CNST: variants seen among roughly 807,000 people sequenced by gnomAD.
CNST encodes consortin.
Under a neutral mutation model 72.4 loss-of-function variants are expected in CNST, and 39 were observed. The observed-to-expected ratio is 0.54, with a 90% CI of 0.42 to 0.70. CNST has a LOEUF of 0.70. CNST is among the 30% of genes least tolerant of loss of function. The pLI is 0.00. For missense variants in CNST, 871 were observed against 868.5 expected, an observed-to-expected ratio of 1.00 and a Z score of -0.04; for synonymous variants, 332 against 320.1, an observed-to-expected ratio of 1.04 and a Z score of -0.40.
intron 2 of CNST, among the ~76,000 whole-genome samples, chr1:246,611,348 T>A (rs114155921): frequency 0.011 from 1,615 of 152,352 alleles, 24 homozygotes; most frequent in African/African-American, 0.033. Flanking sequence ...TGTTTTTTTT[T>A]AAAATATTTC....
intron 9 of CNST, among the ~76,000 whole-genome samples, chr1:246,653,877 C>T (rs572489115): frequency 6.6e-6 from 1 of 152,090 alleles, no homozygotes; most frequent in Non-Finnish European, 1.5e-5. Context: ...CAAACTGGTA[C>T]CCAAGGAGCC....
At chr1:246,603,960 C>T (rs934883190) in intron 2 of CNST, among the ~76,000 whole-genome samples, 1 of 152,186 alleles carries the variant, frequency 6.6e-6, no homozygotes, top group Non-Finnish European at 1.5e-5. Flanking sequence ...CGTGGTGGCT[C>T]ACACTGTAAT....
Position 246,591,958 on chromosome 1 carries a change from T to C in CNST, c.379+17T>C. ...TACCACCAGGTATTGTTTAAAATAGTATTTATCCTCTTCTTTAATTAATTA... is the reference window on the plus strand; with the variant it reads ...TACCACCAGGTATTGTTTAAAATAGCATTTATCCTCTTCTTTAATTAATTA... On this transcript the variant is annotated intron_variant, in intron 2 of 10. Coordinates refer to ENST00000366513, the MANE Select transcript of CNST (RefSeq NM_152609.3). 3 of 1,571,928 alleles carry C rather than the reference T, an allele frequency of 1.9e-6. No individual in the cohort carries two copies. The highest frequency in any genetic ancestry group is 2.6e-6 in the Non-Finnish European group (3 of 1,156,254).
intron 1 of CNST, among the ~76,000 whole-genome samples, chr1:246,581,990 T>A (rs879432814): frequency 2.3e-4 from 35 of 152,234 alleles, no homozygotes; most frequent in African/African-American, 3.9e-4. Flanking sequence ...GGGGTTTTTT[T>A]AAATAGAAGT....
At chr1:246,579,588 G>A (rs929508102) in intron 1 of CNST, among the ~76,000 whole-genome samples, 3 of 152,148 alleles carry the variant, frequency 2.0e-5, no homozygotes, top group African/African-American at 4.8e-5. Flanking sequence ...AGGAAACATG[G>A]TAAAACTCCA....
chr1:246,623,420 A>G (rs753079807), intron 3 of CNST, among the ~76,000 whole-genome samples: 1 of 152,176 alleles, frequency 6.6e-6, no homozygotes, highest in Non-Finnish European at 1.5e-5. Context: ...TTAGGATCAG[A>G]GACAAGAGTA....
intron 10 of CNST, among the ~76,000 whole-genome samples, chr1:246,662,092 A>G (rs1667129553): frequency 6.6e-6 from 1 of 152,250 alleles, no homozygotes; most frequent in Admixed American, 6.5e-5. Context: ...TAAGGAGAAT[A>G]ACATCTGCCT....
At chr1:246,607,169 C>T (rs927956003) in intron 2 of CNST, 4 of 151,918 alleles carry the variant, frequency 2.6e-5, no homozygotes, top group African/African-American at 9.7e-5. Flanking sequence ...ATATGCACGC[C>T]GTCCCTCTTA....
At chr1:246,615,427 G>A (rs540685121) in intron 2 of CNST, among the ~76,000 whole-genome samples, 10 of 151,590 alleles carry the variant, frequency 6.6e-5, no homozygotes, top group South Asian at 6.3e-4. Flanking sequence ...CGCCTGCCTC[G>A]GCCTCCCAAA....
intron 9 of CNST, among the ~76,000 whole-genome samples, chr1:246,653,569 G>A (rs1666609836): frequency 1.3e-5 from 2 of 152,162 alleles, no homozygotes; most frequent in South Asian, 2.1e-4. Flanking sequence ...AATTTATGTA[G>A]ATATCTAAAG....
chr1:246,566,589 C>T lies in CNST; in HGVS notation c.-126C>T. 1 of 403,902 alleles carries T rather than the reference C, an allele frequency of 2.5e-6. No homozygotes were observed. The highest frequency in any genetic ancestry group is 4.4e-6 in the Non-Finnish European group (1 of 228,348). 25.0% of individuals were successfully genotyped at this position (403,902 alleles called of 1,614,324 possible). Reference sequence around the variant, plus strand: ...AGCAAGCTCCGTGACAGCACGTCGGCCGCCATGTCGCCGAGTGGGGCTGGA... The same window carrying T: ...AGCAAGCTCCGTGACAGCACGTCGGTCGCCATGTCGCCGAGTGGGGCTGGA... On this transcript the variant is annotated 5_prime_UTR_variant, in exon 1 of 11. Transcript: ENST00000366513.
intron 3 of CNST, among the ~76,000 whole-genome samples, chr1:246,627,055 C>T (rs79893524): frequency 0.029 from 4,465 of 152,230 alleles, 216 homozygotes; most frequent in African/African-American, 0.1. Context: ...CTACCATTTC[C>T]GTACAGGATA....
At chr1:246,633,038 C>T (rs1484846079) in intron 4 of CNST, among the ~76,000 whole-genome samples, 3 of 152,174 alleles carry the variant, frequency 2.0e-5, no homozygotes, top group Admixed American at 6.5e-5. Flanking sequence ...TAGTTGACTC[C>T]GCAGCAGACA....
chr1:246,648,238 T>TA lies in CNST; in HGVS notation c.1836+202dup, dbSNP rs1457487043. ...TGACTTTTAATCATTGCAATGTTCA[T>TA]ACTACAAGATGTTCTATTGCATGCC... On this transcript the variant is annotated intron_variant, in intron 9 of 10. Transcript: ENST00000366513. 9.7e-6 allele frequency: 13 copies of TA among 1,345,718 alleles called. No homozygotes were observed. In the African/African-American group the frequency reaches 1.8e-4, roughly 18 times the overall value. 83.4% of individuals were successfully genotyped at this position (1,345,718 alleles called of 1,614,324 possible). A position where few individuals can be genotyped will look rare whatever the true frequency, so the allele number is the denominator to read the frequency against.
At chr1:246,595,407 C>T (rs1209501272) in intron 2 of CNST, among the ~76,000 whole-genome samples, 1 of 152,208 alleles carries the variant, frequency 6.6e-6, no homozygotes, top group Non-Finnish European at 1.5e-5. Context: ...TTCTCTCCAT[C>T]TTCACTGCCA....
chr1:246,602,831 T>C (rs1288509228), intron 2 of CNST, among the ~76,000 whole-genome samples: 3 of 152,252 alleles, frequency 2.0e-5, no homozygotes, highest in Admixed American at 1.3e-4. Flanking sequence ...TTTCCTGAGA[T>C]TGCAGGTGGA....
chr1:246,598,519 CTT>C (rs1319362659), intron 2 of CNST, among the ~76,000 whole-genome samples: 21 of 152,006 alleles, frequency 1.4e-4, no homozygotes, highest in Non-Finnish European at 2.1e-4. Flanking sequence ...ATGCAACCTG[CTT>C]TTTGGGATGT....
intron 3 of CNST, among the ~76,000 whole-genome samples, chr1:246,625,000 T>C (rs1045762466): frequency 2.6e-5 from 4 of 152,170 alleles, no homozygotes; most frequent in African/African-American, 4.8e-5. Flanking sequence ...TTTTTTCCAT[T>C]GAAACAGTTG....
intron 9 of CNST, among the ~76,000 whole-genome samples, chr1:246,652,891 C>T (rs1666554450): frequency 6.8e-6 from 1 of 146,986 alleles, no homozygotes; most frequent in African/African-American, 2.5e-5. Flanking sequence ...GTAGTCCCAG[C>T]TACTCGGGAG....
Sources: allele counts gnomAD v4.1 joint callset (sites outside exome capture counted in the v4.1 genomes callset), GRCh38; gene constraint gnomAD v4.1.1; transcripts MANE v1.5; gene names NCBI Gene and HGNC (gene_info 2026-07-23, HGNC 2026-07-21).